The following TENM3 variants were observed in gnomAD, a reference collection of about 807,000 sequenced individuals.
The protein encoded by TENM3 is teneurin transmembrane protein 3.
Under a neutral mutation model 255.1 loss-of-function variants are expected in TENM3, and 63 were observed. The ratio of observed to expected loss-of-function variants is 0.25; its 90% CI spans 0.20 to 0.30. The LOEUF is 0.30. Among genes scored for constraint, TENM3 ranks in the 10% least tolerant of loss-of-function variants. The pLI is 1.00. For synonymous variants in TENM3, 1,306 were observed against 1,322.3 expected, an observed-to-expected ratio of 0.99 and a Z score of 0.27; for missense variants, 2,929 against 3,461.1, an observed-to-expected ratio of 0.85 and a Z score of 3.86.
chr4:182,171,578 C>T (rs1017607584), intron 1 of TENM3, among the ~76,000 whole-genome samples: 3 of 152,132 alleles, frequency 2.0e-5, no homozygotes, highest in African/African-American at 7.2e-5. Flanking sequence ...ATCCTCCTAC[C>T]GCAGTCTCTC....
At chr4:182,350,427 G>T (rs1409764692) in intron 3 of TENM3, 1 of 152,202 alleles carries the variant, frequency 6.6e-6, no homozygotes, top group African/African-American at 2.4e-5. Context: ...TATTAATCTT[G>T]TTCCAAATGA....
At chr4:182,192,238 T>C (rs559096387) in intron 1 of TENM3, among the ~76,000 whole-genome samples, 1 of 152,222 alleles carries the variant, frequency 6.6e-6, no homozygotes, top group Non-Finnish European at 1.5e-5. Flanking sequence ...TTTAATAGTT[T>C]CTACCGAGGG....
At chr4:182,317,923 A>G (rs1476244062) in intron 1 of TENM3, among the ~76,000 whole-genome samples, 1 of 152,316 alleles carries the variant, frequency 6.6e-6, no homozygotes, top group Admixed American at 6.5e-5. Context: ...AACTGGCAAT[A>G]AATCATAAAT....
chr4:181,614,857 G>C, the TENM3 span, among the ~76,000 whole-genome samples: 4 of 152,358 alleles, frequency 2.6e-5, no homozygotes, highest in East Asian at 7.7e-4. Context: ...TAAGCTCTGA[G>C]GATGATGGAG....
upstream of TENM3, among the ~76,000 whole-genome samples, chr4:182,140,035 T>C (rs1390853774): frequency 6.6e-6 from 1 of 152,260 alleles, no homozygotes; most frequent in Non-Finnish European, 1.5e-5. Flanking sequence ...AGTGATCGAA[T>C]TAAAATATTT....
At chr4:181,551,497 G>A in the TENM3 span, among the ~76,000 whole-genome samples, 26 of 152,220 alleles carry the variant, frequency 1.7e-4, no homozygotes, top group East Asian at 2.5e-3. Flanking sequence ...TTGCTCTGTG[G>A]GATGTAGTTA....
the TENM3 span, among the ~76,000 whole-genome samples, chr4:181,539,793 T>A: frequency 6.6e-6 from 1 of 152,368 alleles, no homozygotes; most frequent in South Asian, 2.1e-4. Flanking sequence ...TTAGTTGCTA[T>A]AGAATATATG....
At chr4:181,612,910 T>C in the TENM3 span, among the ~76,000 whole-genome samples, 1 of 152,238 alleles carries the variant, frequency 6.6e-6, no homozygotes, top group African/African-American at 2.4e-5. Flanking sequence ...TTAAATCCTG[T>C]GTTGCCAGGA....
At chr4:182,604,071 A>G (rs1301443576) in intron 4 of TENM3, among the ~76,000 whole-genome samples, 2 of 152,170 alleles carry the variant, frequency 1.3e-5, no homozygotes, top group African/African-American at 4.8e-5. Context: ...CAGTATAGCT[A>G]TCATTTTGAT....
At chr4:182,247,908 T>TC (rs1757756091) in intron 1 of TENM3, among the ~76,000 whole-genome samples, 1 of 152,130 alleles carries the variant, frequency 6.6e-6, no homozygotes, top group Non-Finnish European at 1.5e-5. Flanking sequence ...CCTGCAAAGC[T>TC]CCCCACGCAA....
chr4:181,874,949 C>T, the TENM3 span, among the ~76,000 whole-genome samples: 1 of 152,200 alleles, frequency 6.6e-6, no homozygotes, highest in Non-Finnish European at 1.5e-5. Flanking sequence ...TGTTCATTGC[C>T]TCCATACAGT....
At chr4:181,829,895 T>C in the TENM3 span, 1 of 152,286 alleles carries the variant, frequency 6.6e-6, no homozygotes, top group African/African-American at 2.4e-5. Context: ...ATGGTTACGT[T>C]CTCTCCTTTA....
the TENM3 span, among the ~76,000 whole-genome samples, chr4:181,683,058 T>TA: frequency 3.2e-4 from 48 of 150,936 alleles, no homozygotes; most frequent in Non-Finnish European, 5.0e-4. Flanking sequence ...AATAAAAATT[T>TA]AAAAAAATTA....
At chr4:181,994,626 T>C in the TENM3 span, among the ~76,000 whole-genome samples, 1 of 149,730 alleles carries the variant, frequency 6.7e-6, no homozygotes, top group Non-Finnish European at 1.5e-5. Flanking sequence ...CAGCCAATAG[T>C]TGTATTGATA....
At chr4:182,708,455 A>C (rs1561139073) in intron 12 of TENM3, among the ~76,000 whole-genome samples, 1 of 152,210 alleles carries the variant, frequency 6.6e-6, no homozygotes, top group African/African-American at 2.4e-5. Context: ...TTGTGAACAT[A>C]TGTGAATTTT....
At chr4:182,602,565 C>G (rs981123864) in intron 4 of TENM3, among the ~76,000 whole-genome samples, 6 of 152,148 alleles carry the variant, frequency 3.9e-5, no homozygotes, top group Non-Finnish European at 5.9e-5. Context: ...CTAAAGAACT[C>G]TTATCTTTTT....
At chr4:182,469,762 C>T (rs1325041935) in intron 3 of TENM3, among the ~76,000 whole-genome samples, 1 of 150,634 alleles carries the variant, frequency 6.6e-6, no homozygotes, top group Admixed American at 6.6e-5. Flanking sequence ...GGATGCTTAA[C>T]CAGTATTCTC....
the TENM3 span, among the ~76,000 whole-genome samples, chr4:181,457,174 A>G: frequency 6.6e-6 from 1 of 151,898 alleles, no homozygotes; most frequent in Non-Finnish European, 1.5e-5. Context: ...TGATTTTAAA[A>G]TAGTGAAAGT....
At chr4:182,215,791 C>A (rs1755422995) in intron 1 of TENM3, among the ~76,000 whole-genome samples, 1 of 152,198 alleles carries the variant, frequency 6.6e-6, no homozygotes, top group Non-Finnish European at 1.5e-5. Context: ...TATTTCATTT[C>A]TTTTCTCTTC....
Sources: gnomAD v4.1 joint callset for allele counts (sites outside exome capture counted in the v4.1 genomes callset) on GRCh38, gnomAD v4.1.1 for gene constraint, MANE v1.5 for transcripts, NCBI Gene and HGNC (gene_info 2026-07-23, HGNC 2026-07-21) for gene names.